THSD4: variants seen among roughly 807,000 people sequenced by gnomAD.
THSD4 encodes thrombospondin type-1 domain-containing protein 4.
THSD4 carries 69 observed loss-of-function variants against 119.0 expected under a neutral mutation model. That is an observed-to-expected ratio of 0.58 (90% CI 0.48 to 0.71). THSD4 has a LOEUF of 0.71. THSD4 is among the 30% of genes least tolerant of loss of function. The probability of loss-of-function intolerance (pLI) is 0.00; values close to 1 mark genes in which losing one functional copy is unlikely to be tolerated. For missense variants in THSD4, 1,393 were observed against 1,391.1 expected, an observed-to-expected ratio of 1.00 and a Z score of -0.02; for synonymous variants, 524 against 540.4, an observed-to-expected ratio of 0.97 and a Z score of 0.42.
chr15:71,662,222 A>T (rs1157125592), intron 8 of THSD4, among the ~76,000 whole-genome samples: 2 of 150,998 alleles, frequency 1.3e-5, no homozygotes, highest in African/African-American at 4.9e-5. Flanking sequence ...CAGCTCTTCC[A>T]TCCCCATCTA....
At chr15:71,550,363 C>G (rs1452048118) in intron 7 of THSD4, among the ~76,000 whole-genome samples, 1 of 152,136 alleles carries the variant, frequency 6.6e-6, no homozygotes, top group Non-Finnish European at 1.5e-5. Context: ...GAGGGAGATG[C>G]AACTAGAAAT....
intron 7 of THSD4, among the ~76,000 whole-genome samples, chr15:71,508,520 T>C (rs887427846): frequency 6.6e-6 from 1 of 152,102 alleles, no homozygotes; most frequent in African/African-American, 2.4e-5. Flanking sequence ...AATCAGAGGC[T>C]GTGCCTTTCA....
intron 6 of THSD4, among the ~76,000 whole-genome samples, chr15:71,365,409 AC>A (rs928932261): frequency 6.6e-5 from 10 of 151,850 alleles, no homozygotes; most frequent in East Asian, 1.9e-4. Context: ...TAGGAGCCTA[AC>A]CCCAGGGCAC....
intron 8 of THSD4, among the ~76,000 whole-genome samples, chr15:71,716,616 A>G (rs569789901): frequency 8.0e-6 from 1 of 125,222 alleles, no homozygotes; most frequent in East Asian, 2.1e-4. Flanking sequence ...TCTAATGACC[A>G]GTGCTTTAGA....
chr15:71,503,007 TCAGCA>T (rs751627479), intron 7 of THSD4, among the ~76,000 whole-genome samples: 3 of 152,156 alleles, frequency 2.0e-5, no homozygotes, highest in Admixed American at 6.5e-5. Flanking sequence ...TAAATACAGT[TCAGCA>T]CAGCACAGCA....
In THSD4 at chr15:71,454,739, G is replaced by A. The variant is rs979065684; in HGVS notation, c.1152+42916G>A. On this transcript the variant is annotated intron_variant, in intron 7 of 17. Coordinates refer to ENST00000261862, the MANE Select transcript of THSD4 (RefSeq NM_024817.3). ...AGGCTTTCTCAGTGCAGTGTTGGCA[G>A]GCTAGTTTCCCTCCCTTTGCAATCT... is the stretch of plus-strand genomic sequence containing the variant. 9.9e-5 allele frequency among the ~76,000 whole-genome samples: 15 copies of A among 152,194 alleles called. 1 individual carries two copies. The highest frequency in any genetic ancestry group is 5.2e-4 in the Admixed American group (8 of 15,282).
intron 8 of THSD4, among the ~76,000 whole-genome samples, chr15:71,701,172 A>G (rs1275267360): frequency 6.6e-6 from 1 of 152,196 alleles, no homozygotes; most frequent in Non-Finnish European, 1.5e-5. Flanking sequence ...GTTCACTAAG[A>G]AAAGATAAAA....
intron 7 of THSD4, among the ~76,000 whole-genome samples, chr15:71,579,045 G>A (rs1352683047): frequency 2.0e-5 from 3 of 151,694 alleles, no homozygotes; most frequent in East Asian, 2.0e-4. Flanking sequence ...GGGTTTCTAC[G>A]TGTTAGCCAG....
chr15:71,452,803 C>T (rs112737878), intron 7 of THSD4, among the ~76,000 whole-genome samples: 17,350 of 151,980 alleles, frequency 0.11, 1,108 homozygotes, highest in South Asian at 0.15. Context: ...TTAGTAGAGA[C>T]GGGGTTTCAC....
chr15:71,489,087 C>A (rs935527299), intron 7 of THSD4, among the ~76,000 whole-genome samples: 1 of 152,046 alleles, frequency 6.6e-6, no homozygotes, highest in Non-Finnish European at 1.5e-5. Flanking sequence ...TAGAAATTTC[C>A]CCAGAAAAGC....
chr15:71,342,354 GCTTGCACT>G (rs1357842509), intron 6 of THSD4: 1 of 154,920 alleles, frequency 6.5e-6, no homozygotes, highest in East Asian at 1.9e-4. Context: ...CTTGTGCTGG[GCTTGCACT>G]CTTGGTCCTC....
chr15:71,263,512 A>G (rs2044428090), intron 6 of THSD4, among the ~76,000 whole-genome samples: 1 of 152,074 alleles, frequency 6.6e-6, no homozygotes, highest in African/African-American at 2.4e-5. Flanking sequence ...TGTACCCAGA[A>G]ATGGGATTGC....
chr15:71,613,029 T>G (rs751810463), intron 7 of THSD4, among the ~76,000 whole-genome samples: 2 of 152,220 alleles, frequency 1.3e-5, no homozygotes, highest in Non-Finnish European at 2.9e-5. Flanking sequence ...CTTCCTTAAT[T>G]GAAAAGCATT....
intron 8 of THSD4, among the ~76,000 whole-genome samples, chr15:71,687,647 C>T (rs893010503): frequency 1.3e-5 from 2 of 151,380 alleles, no homozygotes; most frequent in East Asian, 2.0e-4. Context: ...CCCAGTTACT[C>T]GGAAGGCTGA....
chr15:71,182,159 C>G (rs2141424653), intron 3 of THSD4, among the ~76,000 whole-genome samples: 1 of 147,910 alleles, frequency 6.8e-6, no homozygotes, highest in East Asian at 1.9e-4. Context: ...TTAATCACTA[C>G]TAAGTTCAAG....
chr15:71,494,695 AGAG>A (rs1312542252), intron 7 of THSD4, among the ~76,000 whole-genome samples: 10 of 152,180 alleles, frequency 6.6e-5, no homozygotes, highest in Non-Finnish European at 1.3e-4. Flanking sequence ...AAGCCCCATC[AGAG>A]GAGGACAGAA....
intron 7 of THSD4, among the ~76,000 whole-genome samples, chr15:71,640,186 G>A (rs192272212): frequency 1.6e-4 from 24 of 152,124 alleles, no homozygotes; most frequent in African/African-American, 4.1e-4. Flanking sequence ...GGGCTCAAGC[G>A]ATCCTCCTAC....
chr15:71,502,511 T>C (rs1052680766), intron 7 of THSD4, among the ~76,000 whole-genome samples: 1 of 152,344 alleles, frequency 6.6e-6, no homozygotes, highest in Middle Eastern at 3.4e-3. Flanking sequence ...AAAAATCTGC[T>C]GAAAATCTTT....
At chr15:71,305,199 C>G (rs949705984) in intron 6 of THSD4, among the ~76,000 whole-genome samples, 3 of 152,172 alleles carry the variant, frequency 2.0e-5, no homozygotes, top group African/African-American at 7.2e-5. Context: ...AGACATTTGT[C>G]TCTATTAATC....
Sources: allele counts gnomAD v4.1 joint callset (sites outside exome capture counted in the v4.1 genomes callset), GRCh38; gene constraint gnomAD v4.1.1; transcripts MANE v1.5; gene names NCBI Gene and HGNC (gene_info 2026-07-23, HGNC 2026-07-21).